Variants in PDZRN3 observed in about 807,000 individuals in gnomAD.
PDZRN3 encodes E3 ubiquitin-protein ligase PDZRN3.
In PDZRN3, 38 loss-of-function variants were observed where a neutral mutation model predicts 85.7. The observed-to-expected ratio is 0.44, with a 90% confidence interval of 0.34 to 0.58. The LOEUF (loss-of-function observed/expected upper bound fraction) is 0.58. Ranked by LOEUF, PDZRN3 falls within the 20% of genes least tolerant of loss-of-function variation. The probability of loss-of-function intolerance (pLI) is 0.01; values close to 1 mark genes in which losing one functional copy is unlikely to be tolerated. For missense variants in PDZRN3, 1,629 were observed against 1,506.4 expected, an observed-to-expected ratio of 1.08 and a Z score of -1.35; for synonymous variants, 759 against 638.0, an observed-to-expected ratio of 1.19 and a Z score of -2.86.
chr3:73,600,337 A>ACACACTCTCTCTCTCT (rs34405662), intron 3 of PDZRN3, among the ~76,000 whole-genome samples: 12 of 100,052 alleles, frequency 1.2e-4, no homozygotes, highest in Middle Eastern at 6.2e-3. Flanking sequence ...ACACACACAC[A>ACACACTCTCTCTCTCT]CTCTCTCTCT....
At chr3:73,603,128 G>C (rs1178885775) in intron 2 of PDZRN3, among the ~76,000 whole-genome samples, 3 of 152,200 alleles carry the variant, frequency 2.0e-5, no homozygotes, top group Non-Finnish European at 4.4e-5. Flanking sequence ...TCATTAGACA[G>C]AGTGTTTTCC....
chr3:73,553,689 T>C (rs908698508), intron 3 of PDZRN3, among the ~76,000 whole-genome samples: 13 of 152,226 alleles, frequency 8.5e-5, no homozygotes, highest in African/African-American at 3.1e-4. Flanking sequence ...AATGTCACAG[T>C]GTATATCCTT....
intron 3 of PDZRN3, among the ~76,000 whole-genome samples, chr3:73,453,131 G>C (rs1344599745): frequency 6.6e-6 from 1 of 152,138 alleles, no homozygotes; most frequent in Non-Finnish European, 1.5e-5. Context: ...CTGTTGGCCA[G>C]GTGTGGTAGC....
intron 3 of PDZRN3, among the ~76,000 whole-genome samples, chr3:73,405,196 G>A (rs979268705): frequency 2.6e-5 from 4 of 152,202 alleles, no homozygotes; most frequent in African/African-American, 9.6e-5. Context: ...AGTTTATGCT[G>A]GGTCAGAACG....
At chr3:73,534,899 T>C (rs995567831) in intron 3 of PDZRN3, among the ~76,000 whole-genome samples, 2 of 152,226 alleles carry the variant, frequency 1.3e-5, no homozygotes, top group Non-Finnish European at 1.5e-5. Context: ...CTCTTGTGTC[T>C]TGTTGAGTGC....
intron 3 of PDZRN3, among the ~76,000 whole-genome samples, chr3:73,531,250 CAAAA>C (rs60520136): frequency 1.6e-5 from 1 of 63,946 alleles, no homozygotes; most frequent in Non-Finnish European, 3.0e-5. Context: ...GACTTCGTCT[CAAAA>C]AAAAAAAAAA....
intron 3 of PDZRN3, among the ~76,000 whole-genome samples, chr3:73,578,512 G>A (rs4462891): frequency 0.57 from 85,757 of 151,520 alleles, 24,330 homozygotes; most frequent in Admixed American, 0.59. Flanking sequence ...AACTGTTCCC[G>A]TTACATAGGG....
At position 73,391,129 on chromosome 3, in the gene PDZRN3, A is replaced by G. The variant is rs1559651994; in HGVS notation, c.1255-13T>C. The G allele has an allele frequency of 4.5e-6, 7 of 1,548,558 alleles. No individual in the cohort carries two copies. Among genetic ancestry groups the G allele is most frequent in the Middle Eastern group, 1.7e-4 (1 of 5,934 alleles). On this transcript the variant is annotated splice_polypyrimidine_tract_variant and intron_variant, in intron 5 of 9. Transcript: ENST00000263666. ...AGAGGTCCACTTCCTAGACAAAGAA[A>G]GGCATTCCCAGTGAGACTCCAGCAG...
intron 3 of PDZRN3, among the ~76,000 whole-genome samples, chr3:73,520,425 G>C (rs928478243): frequency 1.6e-4 from 25 of 152,098 alleles, no homozygotes; most frequent in African/African-American, 6.0e-4. Context: ...GAACGCTTGA[G>C]CCCGGGAAGC....
chr3:73,532,836 T>C (rs1704689907), intron 3 of PDZRN3, among the ~76,000 whole-genome samples: 1 of 152,210 alleles, frequency 6.6e-6, no homozygotes, highest in East Asian at 1.9e-4. Flanking sequence ...AATGGTCTAT[T>C]GTGGTAATGT....
intron 3 of PDZRN3, among the ~76,000 whole-genome samples, chr3:73,490,294 A>G (rs181887151): frequency 5.8e-4 from 89 of 152,220 alleles, no homozygotes; most frequent in Admixed American, 1.3e-3. Flanking sequence ...TGCTTTGGAG[A>G]CCAACTCTCA....
chr3:73,598,542 G>A lies in PDZRN3; in HGVS notation c.918+3812C>T, dbSNP rs79598040. 2.6e-3 allele frequency among the ~76,000 whole-genome samples: 400 copies of A among 152,252 alleles called. 2 individuals carry two copies. The highest frequency in any genetic ancestry group is 8.8e-3 in the African/African-American group (364 of 41,540). On this transcript the variant is annotated intron_variant, in intron 3 of 9. Transcript: ENST00000263666. ...AACTTGCTGAATCCTAGTACCAAATGTGAGATGGAATAGGTATGACCAAAG... is the reference window on the plus strand; with the variant it reads ...AACTTGCTGAATCCTAGTACCAAATATGAGATGGAATAGGTATGACCAAAG...
At chr3:73,515,239 G>A (rs2106716149) in intron 3 of PDZRN3, among the ~76,000 whole-genome samples, 2 of 139,960 alleles carry the variant, frequency 1.4e-5, no homozygotes, top group South Asian at 4.6e-4. Context: ...GCAGTGGCGC[G>A]ATCTCGGCTC....
chr3:73,413,947 A>G (rs1702025447), intron 3 of PDZRN3, among the ~76,000 whole-genome samples: 1 of 152,134 alleles, frequency 6.6e-6, no homozygotes, highest in Non-Finnish European at 1.5e-5. Context: ...GGAGAAAAAC[A>G]CTAGTTGTGG....
rs143717022 is a variant in PDZRN3, at chr3:73,514,831, G to A, written c.918+87523C>T. On this transcript the variant is annotated intron_variant, in intron 3 of 9. Transcript: ENST00000263666. Reference sequence around the variant, plus strand: ...TGGCAGATACAAAGGCTATGTTCCCGGTACAAAGACAAGCATTTCACCTGC... The same window carrying A: ...TGGCAGATACAAAGGCTATGTTCCCAGTACAAAGACAAGCATTTCACCTGC... 3.9e-3 allele frequency among the ~76,000 whole-genome samples: 587 copies of A among 152,256 alleles called. 5 individuals carry two copies. Among genetic ancestry groups the A allele is most frequent in the Middle Eastern group, 0.014 (4 of 294 alleles).
intron 3 of PDZRN3, chr3:73,433,496 C>T (rs1702472488): frequency 1.7e-6 from 1 of 603,332 alleles, no homozygotes; most frequent in Admixed American, 3.0e-5. Context: ...AGAAAATACA[C>T]AAAAAAGTCA....
chr3:73,383,361 A>AAAATT lies in PDZRN3; in HGVS notation c.3200_*3dup. The AAAATT allele has an allele frequency of 6.3e-7, 1 of 1,595,274 alleles. No homozygotes were observed. The highest frequency in any genetic ancestry group is 1.1e-5 in the South Asian group (1 of 87,058). On this transcript the variant is annotated 3_prime_UTR_variant, in exon 10 of 10. Coordinates refer to ENST00000263666, the MANE Select transcript of PDZRN3 (RefSeq NM_015009.3). ...CCTTTATGTACATAATGCAGAAGTG[A>AAAATT]AAATTATACAGTAGTCACCGATAGG...
At chr3:73,424,105 A>G (rs982037943) in intron 3 of PDZRN3, among the ~76,000 whole-genome samples, 3 of 152,190 alleles carry the variant, frequency 2.0e-5, no homozygotes, top group African/African-American at 7.2e-5. Context: ...GGAGGAAAAT[A>G]TAAGTAAATA....
intron 3 of PDZRN3, among the ~76,000 whole-genome samples, chr3:73,516,336 C>T (rs1704255420): frequency 6.6e-6 from 1 of 152,172 alleles, no homozygotes; most frequent in Non-Finnish European, 1.5e-5. Flanking sequence ...TAAACTCTCA[C>T]CAACAGTTTA....
Sources: allele counts gnomAD v4.1 joint callset (sites outside exome capture counted in the v4.1 genomes callset), GRCh38; gene constraint gnomAD v4.1.1; transcripts MANE v1.5; gene names NCBI Gene and HGNC (gene_info 2026-07-23, HGNC 2026-07-21).